Variants in RPS6KC1 observed in about 807,000 individuals in gnomAD.
RPS6KC1 encodes inactive ribosomal protein S6 kinase delta-1.
A neutral mutation model predicts 103.8 loss-of-function variants in RPS6KC1; 54 were observed. That is an observed-to-expected ratio of 0.52 (90% CI 0.42 to 0.65). The LOEUF (loss-of-function observed/expected upper bound fraction) is 0.65, where lower values mean the gene tolerates loss of function less well. Ranked by LOEUF, RPS6KC1 falls within the 30% of genes least tolerant of loss-of-function variation. RPS6KC1 has a pLI of 0.00. For missense variants in RPS6KC1, 1,151 were observed against 1,253.8 expected (o/e 0.92, Z 1.24); for synonymous variants, 439 against 438.7 (o/e 1.00, Z -0.01).
the RPS6KC1 span, among the ~76,000 whole-genome samples, chr1:213,495,416 G>C: frequency 6.6e-6 from 1 of 152,058 alleles, no homozygotes; most frequent in Non-Finnish European, 1.5e-5. Flanking sequence ...CTGCCTCCCG[G>C]GTTCAAGCGA....
the RPS6KC1 span, among the ~76,000 whole-genome samples, chr1:213,367,068 T>C: frequency 1.3e-5 from 2 of 152,234 alleles, no homozygotes; most frequent in African/African-American, 4.8e-5. Flanking sequence ...TTTTCACCAT[T>C]CAGGTTGCTC....
the RPS6KC1 span, among the ~76,000 whole-genome samples, chr1:213,457,662 T>C: frequency 2.6e-5 from 4 of 152,206 alleles, no homozygotes; most frequent in African/African-American, 9.7e-5. Flanking sequence ...GAGTACAAAG[T>C]GATCCAGCAA....
chr1:213,126,906 C>T (rs2085053220), intron 5 of RPS6KC1, among the ~76,000 whole-genome samples: 1 of 152,132 alleles, frequency 6.6e-6, no homozygotes, highest in Non-Finnish European at 1.5e-5. Context: ...ATAGAAAAAG[C>T]TTGCTGATCC....
chr1:213,157,599 C>G (rs2090042153), intron 6 of RPS6KC1, among the ~76,000 whole-genome samples: 1 of 152,082 alleles, frequency 6.6e-6, no homozygotes, highest in African/African-American at 2.4e-5. Flanking sequence ...TGTTTTGTGG[C>G]CAAGTACGTG....
At position 213,272,454 on chromosome 1, in the gene RPS6KC1, T is replaced by C; in HGVS notation, c.3091-70T>C. 3 of 1,216,566 alleles carry C rather than the reference T, an allele frequency of 2.5e-6. No homozygotes were observed. The Admixed American group carries it at 5.2e-5, about 21-fold the overall frequency. 75.4% of individuals were successfully genotyped at this position (1,216,566 alleles called of 1,614,324 possible). ...AGGGTTGAATTTAGAAGTTGTTTCT[T>C]TTCAAATATTGGTTTTCCTTTGATT... On this transcript the variant is annotated intron_variant, in intron 14 of 14. Transcript: ENST00000366960.
chr1:213,592,072 G>T, the RPS6KC1 span, among the ~76,000 whole-genome samples: 5 of 152,262 alleles, frequency 3.3e-5, no homozygotes, highest in African/African-American at 1.2e-4. Context: ...TCATTCCTGA[G>T]GGGGAAGCTG....
rs1339323874 is a variant in RPS6KC1 at position 213,187,910 on chromosome 1, G to T, written c.1044+11418G>T. On this transcript the variant is annotated intron_variant, in intron 8 of 14. Coordinates refer to ENST00000366960, the MANE Select transcript of RPS6KC1 (RefSeq NM_012424.6). ...AGGTAACTGCCTCTTTTTAGCTCTA[G>T]GAGGTACCTTAAGCTTGGGTTGACC... Among the ~76,000 whole-genome samples, 5 of 151,976 alleles carry T rather than the reference G, an allele frequency of 3.3e-5. No individual in the cohort carries two copies. In the East Asian group the frequency reaches 9.7e-4, roughly 29 times the overall value.
the RPS6KC1 span, among the ~76,000 whole-genome samples, chr1:213,680,955 T>C: frequency 1.5e-3 from 228 of 152,330 alleles, no homozygotes; most frequent in African/African-American, 5.2e-3. Context: ...ATTAATTGCA[T>C]TAAACATTCA....
intron 8 of RPS6KC1, among the ~76,000 whole-genome samples, chr1:213,202,655 CA>C (rs745773626): frequency 3.4e-4 from 51 of 151,844 alleles, no homozygotes; most frequent in Non-Finnish European, 6.2e-4. Flanking sequence ...AAAAACAAAC[CA>C]AAAAAGACAT....
At chr1:213,525,519 G>A in the RPS6KC1 span, among the ~76,000 whole-genome samples, 1 of 152,176 alleles carries the variant, frequency 6.6e-6, no homozygotes, top group Non-Finnish European at 1.5e-5. Context: ...TGTATTTAAA[G>A]CCAGGAAACT....
the RPS6KC1 span, among the ~76,000 whole-genome samples, chr1:213,765,291 G>A: frequency 1.3e-5 from 2 of 152,146 alleles, no homozygotes; most frequent in African/African-American, 2.4e-5. Flanking sequence ...ATTCCATAGC[G>A]CCCCTAAGAA....
At chr1:213,594,511 G>A in the RPS6KC1 span, among the ~76,000 whole-genome samples, 1 of 152,098 alleles carries the variant, frequency 6.6e-6, no homozygotes, top group Non-Finnish European at 1.5e-5. Context: ...GCCAAGGTGA[G>A]GGGCTCCTAT....
the RPS6KC1 span, among the ~76,000 whole-genome samples, chr1:213,633,284 A>T: frequency 2.6e-5 from 4 of 152,242 alleles, no homozygotes; most frequent in Non-Finnish European, 5.9e-5. Context: ...AAAAATGTTA[A>T]GGACAGCCAG....
At chr1:213,603,150 TGAA>T in the RPS6KC1 span, among the ~76,000 whole-genome samples, 1 of 152,234 alleles carries the variant, frequency 6.6e-6, no homozygotes, top group African/African-American at 2.4e-5. Context: ...ACTTTGTAAA[TGAA>T]GAAATCTCAG....
chr1:213,765,477 G>A, the RPS6KC1 span, among the ~76,000 whole-genome samples: 1 of 152,164 alleles, frequency 6.6e-6, no homozygotes, highest in African/African-American at 2.4e-5. Context: ...CCTTAGATTT[G>A]AAACGGTCTG....
the RPS6KC1 span, among the ~76,000 whole-genome samples, chr1:213,656,976 G>C: frequency 2.0e-5 from 3 of 152,312 alleles, no homozygotes; most frequent in East Asian, 3.9e-4. Context: ...ATATCAAAAA[G>C]ATACTATGCA....
the RPS6KC1 span, among the ~76,000 whole-genome samples, chr1:213,811,989 G>A: frequency 2.0e-5 from 3 of 152,012 alleles, no homozygotes; most frequent in Non-Finnish European, 4.4e-5. Context: ...TAGTTTTATT[G>A]TGTGTTAATT....
At chr1:213,093,144 A>G (rs535702928) in intron 3 of RPS6KC1, among the ~76,000 whole-genome samples, 1 of 151,988 alleles carries the variant, frequency 6.6e-6, no homozygotes, top group East Asian at 1.9e-4. Context: ...ATGTTTGATA[A>G]CTGTAATGAA....
chr1:213,073,906 C>A (rs1247012589), intron 2 of RPS6KC1, among the ~76,000 whole-genome samples: 1 of 152,058 alleles, frequency 6.6e-6, no homozygotes, highest in Non-Finnish European at 1.5e-5. Flanking sequence ...AAACTCCTGA[C>A]CTCAGGCGAT....
Sources: allele counts gnomAD v4.1 joint callset (sites outside exome capture counted in the v4.1 genomes callset), GRCh38; gene constraint gnomAD v4.1.1; transcripts MANE v1.5; gene names NCBI Gene and HGNC (gene_info 2026-07-23, HGNC 2026-07-21).